PIWIL1: variants seen among roughly 807,000 people sequenced by gnomAD.
PIWIL1 encodes piwi-like protein 1.
A neutral mutation model predicts 114.4 loss-of-function variants in PIWIL1; 73 were observed. The observed-to-expected ratio is 0.64, with a 90% CI of 0.53 to 0.78. The LOEUF is 0.78. Ranked by LOEUF, PIWIL1 falls within the 30% of genes least tolerant of loss-of-function variation. The pLI is 0.00. For missense variants in PIWIL1, 723 were observed against 1,063.1 expected, an observed-to-expected ratio of 0.68 and a Z score of 4.45; for synonymous variants, 375 against 369.0, an observed-to-expected ratio of 1.02 and a Z score of -0.19.
chr12:130,363,034 C>A lies in PIWIL1; in HGVS notation c.2085C>A (p.Ser695Arg). The A allele has an allele frequency of 6.2e-7, 1 of 1,614,210 alleles. No homozygotes were observed. Among genetic ancestry groups the A allele is most frequent in the South Asian group, 1.1e-5 (1 of 91,078 alleles). Residue 695 changes from serine to arginine, a missense_variant, in exon 18 of 21, where the codon AGC becomes AGA. Ser to Arg is a moderately radical substitution (Grantham distance 110, BLOSUM62 -1). Coordinates refer to ENST00000245255, the MANE Select transcript of PIWIL1 (RefSeq NM_004764.5). ...AWNSCNEYMPSRIIVYRDGVG... is the reference protein window; with the variant it reads ...AWNSCNEYMPRRIIVYRDGVG... Reference sequence around the variant, plus strand: ...ATAGCTGCAATGAGTACATGCCCAGCCGGATCATCGTGTACCGCGATGGCG... The same window carrying A: ...ATAGCTGCAATGAGTACATGCCCAGACGGATCATCGTGTACCGCGATGGCG...
chr12:130,388,209 GCT>G, the PIWIL1 span, among the ~76,000 whole-genome samples: 1 of 152,134 alleles, frequency 6.6e-6, no homozygotes, highest in Non-Finnish European at 1.5e-5. Context: ...AAACTCCTGG[GCT>G]CAGGTGATCC....
rs1208689871 is a variant in PIWIL1, at chr12:130,371,620, G to A, written c.*22G>A. 12 of 1,403,160 alleles carry A rather than the reference G, an allele frequency of 8.6e-6. No homozygotes were observed. The highest frequency in any genetic ancestry group is 7.2e-5 in the African/African-American group (5 of 69,178). The allele number at this position is 1,403,160 out of a possible 1,614,324, so 86.9% of individuals were successfully genotyped here. A position where few individuals can be genotyped will look rare whatever the true frequency, so the allele number is the denominator to read the frequency against. ...CTAACCTGCAGAAGACGATGCAGCC[G>A]CTTTTCTTTTTGAAATGACTTTGGG... On this transcript the variant is annotated 3_prime_UTR_variant, in exon 21 of 21. Coordinates refer to ENST00000245255, the MANE Select transcript of PIWIL1 (RefSeq NM_004764.5).
the PIWIL1 span, chr12:130,424,861 T>C: frequency 6.5e-6 from 8 of 1,231,576 alleles, no homozygotes; most frequent in Non-Finnish European, 8.1e-6. This position sits in a 1 kb window ranked among gnomAD's most constrained non-coding sequence, Gnocchi z 9.8. Context: ...GTGCAGTCCT[T>C]ACGGGGTGGT....
chr12:130,343,448 G>C (rs2072981713), intron 3 of PIWIL1, among the ~76,000 whole-genome samples: 1 of 152,100 alleles, frequency 6.6e-6, no homozygotes, highest in African/African-American at 2.4e-5. Context: ...GCCCTGTTTT[G>C]TCATCTCTCA....
intron 12 of PIWIL1, 83 bp from the exon 13 acceptor site, chr12:130,356,835 C>A: frequency 1.1e-6 from 1 of 933,428 alleles, no homozygotes; most frequent in Non-Finnish European, 1.6e-6. Context: ...CAAAATATGC[C>A]ATGGTAGAAT....
chr12:130,342,629 C>T lies in PIWIL1; in HGVS notation c.38C>T (p.Ala13Val), dbSNP rs1355649930. Residue 13 changes from alanine (A) to valine (V), a missense_variant, in exon 2 of 21, where the codon GCC (alanine) becomes GTC (valine). Physicochemically the swap from Ala to Val is moderately conservative, Grantham distance 64. This residue lies in a region of PIWIL1 where 91 missense variants were observed against 76.2 expected (regional missense o/e 1.19). Transcript: ENST00000245255. ...GCCCGAGCCAGAGCCAGAGGAAGGG[C>T]CCGCGGTCAGGAGACAGCGCAGCTG... is the stretch of plus-strand genomic sequence containing the variant. Reference protein sequence around the residue: ...GRARARARGRARGQETAQLVG... With the variant: ...GRARARARGRVRGQETAQLVG... 3 of 1,613,910 alleles carry T rather than the reference C, an allele frequency of 1.9e-6. No homozygotes were observed. Among genetic ancestry groups the T allele is most frequent in the Non-Finnish European group, 2.5e-6 (3 of 1,179,836 alleles).
chr12:130,392,481 G>A, the PIWIL1 span, among the ~76,000 whole-genome samples: 6 of 4,778 alleles, frequency 1.3e-3, 1 homozygote, highest in East Asian at 3.3e-3. Context: ...GTGATGACCC[G>A]GTCACCGTCA....
chr12:130,423,471 A>G, the PIWIL1 span, among the ~76,000 whole-genome samples: 6 of 152,160 alleles, frequency 3.9e-5, no homozygotes, highest in African/African-American at 1.4e-4. Context: ...ACAGGAGCAA[A>G]TGTTCCGAAA....
At chr12:130,370,356 GA>G (rs1226010462) in intron 19 of PIWIL1, among the ~76,000 whole-genome samples, 1 of 151,866 alleles carries the variant, frequency 6.6e-6, no homozygotes, top group Admixed American at 6.6e-5. Flanking sequence ...AAAATACTTG[GA>G]AAAAAGTCTG....
chr12:130,387,514 T>A, the PIWIL1 span, among the ~76,000 whole-genome samples: 17 of 4,220 alleles, frequency 4.0e-3, no homozygotes, highest in Non-Finnish European at 6.2e-3. Flanking sequence ...CATGCACACC[T>A]CCCCTTCCTG....
At chr12:130,367,403 A>C in intron 19 of PIWIL1, 145 bp downstream of exon 19, 3 of 769,634 alleles carry the variant, frequency 3.9e-6, no homozygotes, top group Non-Finnish European at 5.8e-6. Context: ...TAATTTGGTC[A>C]AACATAATTA....
At chr12:130,399,273 T>C in the PIWIL1 span, 1 of 554,188 alleles carries the variant, frequency 1.8e-6, no homozygotes, top group Middle Eastern at 6.1e-4. Context: ...ATGAATGTAG[T>C]CTAATAGTTC....
chr12:130,401,118 C>CT, the PIWIL1 span, among the ~76,000 whole-genome samples: 1,796 of 149,774 alleles, frequency 0.012, 32 homozygotes, highest in African/African-American at 0.042. Context: ...GATTTTATAT[C>CT]TTTTTTTTTT....
the PIWIL1 span, among the ~76,000 whole-genome samples, chr12:130,423,068 C>G: frequency 6.6e-6 from 1 of 152,218 alleles, no homozygotes; most frequent in African/African-American, 2.4e-5. Context: ...ACTCAACATT[C>G]TACTCCTAAT....
chr12:130,344,667 G>C (rs2073019980), intron 3 of PIWIL1, among the ~76,000 whole-genome samples: 1 of 152,142 alleles, frequency 6.6e-6, no homozygotes, highest in Non-Finnish European at 1.5e-5. Context: ...TTTGTCCTGG[G>C]CTCATGACTG....
At chr12:130,375,597 G>A (rs944416579), downstream of PIWIL1, among the ~76,000 whole-genome samples, 3 of 152,196 alleles carry the variant, frequency 2.0e-5, no homozygotes, top group East Asian at 1.9e-4. Flanking sequence ...TTTGGAGGAT[G>A]TTGTTTTGGA....
chr12:130,396,447 G>GTCTT, the PIWIL1 span: 2 of 152,630 alleles, frequency 1.3e-5, no homozygotes, highest in African/African-American at 2.4e-5. Context: ...TTGTAAGTAA[G>GTCTT]TCTTTTGTTC....
rs1555226466 is a variant in PIWIL1 at position 130,342,180 on chromosome 12, G to GTGTGTGTC, written c.-12-393_-12-392insCTGTGTGT. ...CGTGTGTGTGTGTGTGTGTGTGTGT[G>GTGTGTGTC]TGTGTGTGTGTCTGTGTATGGGAGT... On this transcript the variant is annotated intron_variant, in intron 1 of 20. Transcript: ENST00000245255. 824 of 182,772 alleles carry GTGTGTGTC rather than the reference G, an allele frequency of 4.5e-3. 8 individuals are homozygous for GTGTGTGTC. The highest frequency in any genetic ancestry group is 0.029 in the Middle Eastern group (11 of 382). 11.3% of individuals were successfully genotyped at this position (182,772 alleles called of 1,614,324 possible).
intron 9 of PIWIL1, among the ~76,000 whole-genome samples, chr12:130,350,802 G>T (rs1336228738): frequency 6.6e-6 from 1 of 152,106 alleles, no homozygotes; most frequent in Admixed American, 6.5e-5. Flanking sequence ...TTGGATAAAT[G>T]AGCTTAAATA....
Sources: allele counts gnomAD v4.1 joint callset (sites outside exome capture counted in the v4.1 genomes callset), GRCh38; gene constraint gnomAD v4.1.1; regional missense constraint gnomAD v4.1.1; non-coding constraint Gnocchi (gnomAD v3.1); transcripts MANE v1.5; gene names NCBI Gene and HGNC (gene_info 2026-07-23, HGNC 2026-07-21).